The following NPIPB2 variants were observed in gnomAD, a reference collection of about 807,000 sequenced individuals.
NPIPB2 encodes nuclear pore complex-interacting protein family member B2.
Under a neutral mutation model 30.8 loss-of-function variants are expected in NPIPB2, and 27 were observed. The observed-to-expected ratio is 0.88, with a 90% confidence interval of 0.65 to 1.21. The LOEUF is 1.21. NPIPB2 is among the 50% of genes most tolerant of loss of function. The pLI, the probability that NPIPB2 is intolerant of heterozygous loss-of-function variation, is 0.00. For missense variants in NPIPB2, 440 were observed against 446.2 expected, an observed-to-expected ratio of 0.99 and a Z score of 0.13; for synonymous variants, 147 against 162.0, an observed-to-expected ratio of 0.91 and a Z score of 0.70.
chr16:11,951,666 A>ACACACACACACACACACACACACACCCC (rs1226047972), intron 1 of NPIPB2, among the ~76,000 whole-genome samples: 1 of 138,870 alleles, frequency 7.2e-6, no homozygotes, highest in Non-Finnish European at 1.6e-5. Flanking sequence ...ACACACACAC[A>ACACACACACACACACACACACACACCCC]CCCAGCCCCC....
chr16:11,966,416 T>C (rs1374040232), intron 1 of NPIPB2: 5 of 1,473,048 alleles, frequency 3.4e-6, no homozygotes, highest in African/African-American at 1.4e-5. Flanking sequence ...TTTTCTTTTT[T>C]TAGCGTTGAC....
intron 1 of NPIPB2, among the ~76,000 whole-genome samples, chr16:11,955,205 T>TAAAAA (rs2055099716): frequency 4.0e-5 from 6 of 150,008 alleles, no homozygotes; most frequent in Middle Eastern, 3.6e-3. Context: ...AATACAAAAA[T>TAAAAA]TAGCTGGCCG....
chr16:11,971,571 T>A (rs1382963232), intron 1 of NPIPB2, among the ~76,000 whole-genome samples: 2 of 152,062 alleles, frequency 1.3e-5, no homozygotes, highest in African/African-American at 2.4e-5. Context: ...CTTGGCTCAC[T>A]GCAACCTCTG....
chr16:11,932,944 C>T (rs1176194445), intron 4 of NPIPB2, among the ~76,000 whole-genome samples: 3 of 147,314 alleles, frequency 2.0e-5, no homozygotes, highest in Non-Finnish European at 3.0e-5. Flanking sequence ...GGCGACAGAG[C>T]GAGACTCTAT....
At chr16:11,943,554 T>G (rs1232515219), upstream of NPIPB2, among the ~76,000 whole-genome samples, 2 of 150,274 alleles carry the variant, frequency 1.3e-5, no homozygotes, top group Non-Finnish European at 3.0e-5. Flanking sequence ...ATACAAAAAT[T>G]AGCCAGGCAT....
chr16:11,948,010 T>G (rs777611612), intron 1 of NPIPB2, among the ~76,000 whole-genome samples: 9 of 147,932 alleles, frequency 6.1e-5, no homozygotes, highest in Non-Finnish European at 1.3e-4. Context: ...GGCCACTAGA[T>G]ACAGACCCCT....
intron 1 of NPIPB2, among the ~76,000 whole-genome samples, chr16:11,955,106 G>T (rs902843287): frequency 6.6e-6 from 1 of 151,972 alleles, no homozygotes; most frequent in African/African-American, 2.4e-5. Flanking sequence ...TGGGCGCGGT[G>T]GCTCACACCT....
chr16:11,968,015 A>C, intron 1 of NPIPB2: 1 of 740,990 alleles, frequency 1.3e-6, no homozygotes. Flanking sequence ...TACTGTTGGG[A>C]GCTTAATGGT....
intron 1 of NPIPB2, among the ~76,000 whole-genome samples, chr16:11,973,054 G>T (rs2055245463): frequency 6.6e-6 from 1 of 151,400 alleles, no homozygotes; most frequent in Admixed American, 6.6e-5. Flanking sequence ...CAGCTACTCA[G>T]GAGGCTGAGG....
chr16:11,968,031 C>T, intron 1 of NPIPB2: 1 of 641,920 alleles, frequency 1.6e-6, no homozygotes, highest in Non-Finnish European at 2.5e-6. Context: ...ATGGTAGAAA[C>T]TTCCTTGGTT....
Position 11,941,961 on chromosome 16 carries a change from G to A in NPIPB2, c.63+22C>T, listed in dbSNP as rs1278606134. 3.9e-6 allele frequency: 4 copies of A among 1,015,084 alleles called. No homozygotes were observed. In the South Asian group the frequency reaches 5.4e-5, roughly 14 times the overall value. The allele number at this position is 1,015,084 out of a possible 1,614,324, so 62.9% of individuals were successfully genotyped here. On this transcript the variant is annotated intron_variant, in intron 1 of 7. Transcript: ENST00000399147. ...AAACATAAAAAACAAATGATGGCAG[G>A]ATGGCAGGAAGAACCTCATACCCAA...
chr16:11,975,145 T>TGTTTTTTTG, intron 1 of NPIPB2, among the ~76,000 whole-genome samples: 1 of 54,468 alleles, frequency 1.8e-5, no homozygotes, highest in East Asian at 6.3e-4. Flanking sequence ...CATCACCTTT[T>TGTTTTTTTG]TTTTTTTTTT....
intron 1 of NPIPB2, among the ~76,000 whole-genome samples, chr16:11,950,936 T>A (rs181001912): frequency 6.6e-6 from 1 of 152,232 alleles, no homozygotes; most frequent in East Asian, 1.9e-4. Context: ...CACTCTTCTT[T>A]CTAGTTTTTC....
chr16:11,967,873 C>T (rs763704315), intron 1 of NPIPB2: 23 of 1,602,970 alleles, frequency 1.4e-5, no homozygotes, highest in Non-Finnish European at 1.8e-5. Context: ...CGAGCAGTGC[C>T]ACTTTAAAAA....
Position 11,965,088 on chromosome 16 carries a change from C to A in NPIPB2, c.-584+11480G>T, listed in dbSNP as rs553605641. 1.9e-3 allele frequency: 1,015 copies of A among 541,186 alleles called. 3 individuals are homozygous for A. The highest frequency in any genetic ancestry group is 2.4e-3 in the Non-Finnish European group (733 of 305,364). 33.5% of individuals were successfully genotyped at this position (541,186 alleles called of 1,614,324 possible). On this transcript the variant is annotated intron_variant, in intron 1 of 5. Transcript: ENST00000538896. ...ATGTGATATGCCCTGATATTTACAC[C>A]CTGTCTCTTACCCCATCCAAGACTC...
intron 1 of NPIPB2, among the ~76,000 whole-genome samples, chr16:11,974,140 G>A (rs1474338553): frequency 6.6e-6 from 1 of 152,198 alleles, no homozygotes. Flanking sequence ...GAGAGACTAT[G>A]ATGCTTCTTC....
chr16:11,949,770 G>T (rs527917066), intron 1 of NPIPB2, among the ~76,000 whole-genome samples: 1 of 152,122 alleles, frequency 6.6e-6, no homozygotes, highest in Non-Finnish European at 1.5e-5. Context: ...CTTTAACACC[G>T]TTTAGGATTT....
chr16:11,947,470 G>T (rs992823315), intron 1 of NPIPB2, among the ~76,000 whole-genome samples: 1 of 151,376 alleles, frequency 6.6e-6, no homozygotes, highest in East Asian at 1.9e-4. Context: ...TCAGCCTCCC[G>T]AGTAGCTAGG....
chr16:11,959,604 T>C (rs996767168), intron 1 of NPIPB2, among the ~76,000 whole-genome samples: 3 of 152,092 alleles, frequency 2.0e-5, no homozygotes, highest in African/African-American at 7.2e-5. Flanking sequence ...AAAAATCATA[T>C]TATTAAAAAA....
Sources: gnomAD v4.1 joint callset for allele counts (sites outside exome capture counted in the v4.1 genomes callset) on GRCh38, gnomAD v4.1.1 for gene constraint, MANE v1.5 for transcripts, NCBI Gene and HGNC (gene_info 2026-07-23, HGNC 2026-07-21) for gene names.